The following WDR43 variants were observed in gnomAD, a reference collection of about 807,000 sequenced individuals.
The protein encoded by WDR43 is WD repeat-containing protein 43.
A neutral mutation model predicts 91.4 loss-of-function variants in WDR43; 13 were observed. That is an observed-to-expected ratio of 0.14 (90% confidence interval 0.09 to 0.23). WDR43 has a LOEUF of 0.23. WDR43 is among the 10% of genes least tolerant of loss of function. The pLI, the probability that WDR43 is intolerant of heterozygous loss-of-function variation, is 1.00. For missense variants in WDR43, 780 were observed against 809.4 expected, an observed-to-expected ratio of 0.96 and a Z score of 0.44; for synonymous variants, 331 against 287.9, an observed-to-expected ratio of 1.15 and a Z score of -1.51.
At chr2:28,916,446 A>G (rs936534619) in intron 5 of WDR43, among the ~76,000 whole-genome samples, 1 of 152,162 alleles carries the variant, frequency 6.6e-6, no homozygotes, top group African/African-American at 2.4e-5. Flanking sequence ...TAGCCATTCT[A>G]ATAGGTGGGT....
chr2:28,926,405 T>C (rs1215051612), intron 8 of WDR43, 63 bp from the exon 9 acceptor site: 1 of 1,251,678 alleles, frequency 8.0e-7, no homozygotes, highest in East Asian at 2.6e-5. Context: ...CCAGTTGCTT[T>C]GTTTGACACT....
At chr2:28,895,220 G>A in intron 1 of WDR43, 1 of 295,838 alleles carries the variant, frequency 3.4e-6, no homozygotes, top group Non-Finnish European at 6.2e-6. Flanking sequence ...CAAGTCCCCT[G>A]GTCCCCCTGG....
At chr2:28,928,716 C>G (rs1382547640) in intron 10 of WDR43, among the ~76,000 whole-genome samples, 2 of 152,124 alleles carry the variant, frequency 1.3e-5, no homozygotes, top group African/African-American at 2.4e-5. Flanking sequence ...GGGTCTCATT[C>G]TGTCACCCAG....
At chr2:28,907,076 AAG>A (rs770404675) in intron 3 of WDR43, among the ~76,000 whole-genome samples, 33 of 152,322 alleles carry the variant, frequency 2.2e-4, no homozygotes, top group Non-Finnish European at 4.1e-4. Flanking sequence ...AAAGGATCCT[AAG>A]AGCCTGGCCT....
chr2:28,943,786 C>T (rs569417425), intron 16 of WDR43, among the ~76,000 whole-genome samples: 1 of 152,304 alleles, frequency 6.6e-6, no homozygotes, highest in East Asian at 1.9e-4. Context: ...CATCACACAT[C>T]ACATTCCATA....
intron 10 of WDR43, among the ~76,000 whole-genome samples, chr2:28,928,384 A>G (rs1375072299): frequency 6.6e-6 from 1 of 152,182 alleles, no homozygotes; most frequent in East Asian, 1.9e-4. Flanking sequence ...GGGTGGGGAT[A>G]ACATAGCTTC....
In WDR43 at chr2:28,911,519, C is replaced by T. The variant is rs997792528; in HGVS notation, c.486-1071C>T. On this transcript the variant is annotated intron_variant, in intron 3 of 17. Coordinates refer to ENST00000407426, the MANE Select transcript of WDR43 (RefSeq NM_015131.3). ...CCATGTTAGCCAGGATGGTCTCGAT[C>T]TCCTGACCTTGTGATCCGCCCACCT... is the stretch of plus-strand genomic sequence containing the variant. Among the ~76,000 whole-genome samples, 8 of 152,146 alleles carry T rather than the reference C, an allele frequency of 5.3e-5. No individual in the cohort carries two copies. In the South Asian group the frequency reaches 1.4e-3, roughly 28 times the overall value.
chr2:28,943,331 C>G (rs1671484237), intron 16 of WDR43, among the ~76,000 whole-genome samples: 3 of 152,088 alleles, frequency 2.0e-5, no homozygotes, highest in African/African-American at 4.8e-5. Context: ...GATGAGGTCT[C>G]TTTGTTGCCC....
At chr2:28,913,560 C>A in intron 4 of WDR43, 1 of 420,440 alleles carries the variant, frequency 2.4e-6, no homozygotes. Context: ...TGATTTCTAG[C>A]CTACATCCAG....
At chr2:28,930,178 G>C (rs929420545) in intron 11 of WDR43, 2 of 461,564 alleles carry the variant, frequency 4.3e-6, no homozygotes, top group Admixed American at 4.8e-5. Flanking sequence ...AATTCAAGAG[G>C]GTTGGGGGTT....
intron 11 of WDR43, among the ~76,000 whole-genome samples, chr2:28,931,370 G>A (rs1307439618): frequency 3.3e-5 from 5 of 152,198 alleles, no homozygotes. Flanking sequence ...GTGAGCCACT[G>A]TGCCGGCCTA....
intron 5 of WDR43, among the ~76,000 whole-genome samples, chr2:28,917,148 C>T (rs1051951371): frequency 2.6e-5 from 4 of 152,072 alleles, no homozygotes; most frequent in Non-Finnish European, 5.9e-5. Flanking sequence ...AGTATGAGAA[C>T]GGCAACGGGA....
chr2:28,906,757 A>T (rs928930963), intron 3 of WDR43, among the ~76,000 whole-genome samples, 176 bp downstream of exon 3: 2 of 152,240 alleles, frequency 1.3e-5, no homozygotes, highest in African/African-American at 4.8e-5. Context: ...ATAAAAGCTA[A>T]AAATGGTACA....
At position 28,922,148 on chromosome 2, in the gene WDR43, A is replaced by G. The variant is rs1323177471; in HGVS notation, c.850-771A>G. On this transcript the variant is annotated intron_variant, in intron 6 of 17. Transcript: ENST00000407426. ...AACATTTTCAAAGTTGTTTTTCACA[A>G]CAAAAGTTAGTCTCTTTTTTCTAGT... is the stretch of plus-strand genomic sequence containing the variant. Among the ~76,000 whole-genome samples, 7 of 151,944 alleles carry G rather than the reference A, an allele frequency of 4.6e-5. No homozygotes were observed. The East Asian group carries it at 7.7e-4, about 17-fold the overall frequency.
intron 5 of WDR43, 132 bp from the exon 6 acceptor site, chr2:28,917,761 T>C (rs997033500): frequency 1.6e-5 from 12 of 743,432 alleles, no homozygotes; most frequent in Non-Finnish European, 2.2e-5. Flanking sequence ...TTAGTCACTT[T>C]ACTAGTTTTC....
At chr2:28,944,142 A>G (rs539013195) in intron 16 of WDR43, among the ~76,000 whole-genome samples, 106 of 152,292 alleles carry the variant, frequency 7.0e-4, no homozygotes, top group Non-Finnish European at 1.3e-3. Flanking sequence ...AAAACAACAT[A>G]TCCAAAAAAT....
intron 1 of WDR43, among the ~76,000 whole-genome samples, chr2:28,900,626 A>G (rs1670561578): frequency 6.6e-6 from 1 of 152,168 alleles, no homozygotes; most frequent in Non-Finnish European, 1.5e-5. Context: ...GAATCATTCA[A>G]AGGTAGCTTT....
Position 28,935,599 on chromosome 2 carries a change from T to G in WDR43, c.1516T>G (p.Leu506Val). Residue 506 changes from leucine to valine, a missense_variant, in exon 12 of 18, where the codon TTA (leucine) becomes GTA (valine). Around this residue, in one of 4 missense-constraint regions of WDR43, gnomAD observed 426 missense variants for 467.8 expected, o/e 0.91. Transcript: ENST00000407426. ...RMPLHTIIPL[L>V]QELTKRLQGH... is the part of the protein sequence containing the mutation. ...GCCCCTGCATACTATTATTCCGTTG[T>G]TACAAGAGGTAACTGACTGCTTTTT... is the stretch of plus-strand genomic sequence containing the variant. The G allele has an allele frequency of 6.3e-7, 1 of 1,584,702 alleles. No homozygotes were observed.
chr2:28,915,154 A>G (rs1050191903), intron 5 of WDR43, among the ~76,000 whole-genome samples: 3 of 152,178 alleles, frequency 2.0e-5, no homozygotes, highest in African/African-American at 7.2e-5. Context: ...CTCATCCAAT[A>G]TGTATTCCTT....
Sources: gnomAD v4.1 joint callset for allele counts (sites outside exome capture counted in the v4.1 genomes callset) on GRCh38, gnomAD v4.1.1 for gene constraint, gnomAD v4.1.1 regional missense constraint, MANE v1.5 for transcripts, NCBI Gene and HGNC (gene_info 2026-07-23, HGNC 2026-07-21) for gene names.